MED27: variants seen among roughly 807,000 people sequenced by gnomAD.
The protein encoded by MED27 is mediator complex subunit 27.
Under a neutral mutation model 38.2 loss-of-function variants are expected in MED27, and 30 were observed. The observed-to-expected ratio is 0.79, with a 90% CI of 0.59 to 1.07. The LOEUF (loss-of-function observed/expected upper bound fraction) is 1.07. Among genes scored for constraint, MED27 ranks in the 50% least tolerant of loss-of-function variants. The pLI is 0.00. For missense variants in MED27, 289 were observed against 397.5 expected, an observed-to-expected ratio of 0.73 and a Z score of 2.32; for synonymous variants, 122 against 153.5, an observed-to-expected ratio of 0.79 and a Z score of 1.52.
At chr9:132,015,943 G>A (rs1832592613) in intron 2 of MED27, among the ~76,000 whole-genome samples, 1 of 152,142 alleles carries the variant, frequency 6.6e-6, no homozygotes, top group Admixed American at 6.5e-5. Flanking sequence ...ATTAAGCAAG[G>A]TCTTTCAAAC....
At chr9:132,034,773 G>T (rs1039290979) in intron 2 of MED27, among the ~76,000 whole-genome samples, 1 of 152,146 alleles carries the variant, frequency 6.6e-6, no homozygotes, top group Non-Finnish European at 1.5e-5. Context: ...ATGAGCACAG[G>T]TCAAACAGAA....
chr9:131,901,163 A>G (rs1218755721), intron 4 of MED27, among the ~76,000 whole-genome samples: 1 of 152,080 alleles, frequency 6.6e-6, no homozygotes, highest in Non-Finnish European at 1.5e-5. Context: ...GGCACACCCA[A>G]AGGAGATTTA....
Position 131,861,655 on chromosome 9 carries a change from G to A in MED27, c.802-983C>T, listed in dbSNP as rs1327543764. ...CCTAAGTAGAAGAAGTTCTGTCTCT[G>A]CCACAAATAGTACTCATGTCTGTGC... On this transcript the variant is annotated intron_variant, in intron 7 of 7. Transcript: ENST00000292035. This position sits in a 1 kb window ranked among gnomAD's most constrained non-coding sequence, Gnocchi z 4.4. 6.6e-6 allele frequency among the ~76,000 whole-genome samples: 1 copy of A among 152,132 alleles called. No homozygotes were observed. The highest frequency in any genetic ancestry group is 1.5e-5 in the Non-Finnish European group (1 of 68,036).
intron 3 of MED27, among the ~76,000 whole-genome samples, chr9:131,941,982 C>G (rs551529698): frequency 6.6e-6 from 1 of 151,842 alleles, no homozygotes; most frequent in African/African-American, 2.4e-5. Context: ...CCCGCCACCA[C>G]GCCTGGCTAA....
chr9:132,076,227 T>G (rs1834043980), intron 2 of MED27, among the ~76,000 whole-genome samples: 1 of 151,908 alleles, frequency 6.6e-6, no homozygotes, highest in South Asian at 2.1e-4. Flanking sequence ...AGTAACTCCC[T>G]GAACATTTTA....
At chr9:131,910,894 T>C (rs1423793507) in intron 4 of MED27, among the ~76,000 whole-genome samples, 1 of 152,166 alleles carries the variant, frequency 6.6e-6, no homozygotes, top group African/African-American at 2.4e-5. Context: ...ACCAGCAGAC[T>C]TCCCATCTAT....
intron 3 of MED27, among the ~76,000 whole-genome samples, chr9:131,970,438 G>C (rs1280582676): frequency 1.3e-5 from 2 of 152,216 alleles, no homozygotes; most frequent in African/African-American, 2.4e-5. Flanking sequence ...CTCCACGGAA[G>C]AGCCCTCCAC....
intron 2 of MED27, among the ~76,000 whole-genome samples, chr9:132,057,023 C>A (rs921664932): frequency 3.9e-5 from 6 of 152,222 alleles, no homozygotes; most frequent in Admixed American, 2.6e-4. Context: ...CCCCACAGCA[C>A]CAAGACTCAC....
At chr9:132,037,114 C>G (rs938103229) in intron 2 of MED27, among the ~76,000 whole-genome samples, 6 of 152,178 alleles carry the variant, frequency 3.9e-5, no homozygotes, top group Admixed American at 6.5e-5. Context: ...GAACGCTCAG[C>G]AAAGGATGGC....
chr9:131,935,899 C>T (rs938722694), intron 4 of MED27, among the ~76,000 whole-genome samples: 3 of 151,768 alleles, frequency 2.0e-5, no homozygotes, highest in Non-Finnish European at 2.9e-5. Flanking sequence ...TCTGTAATCC[C>T]AGCACTTTGG....
At chr9:132,014,873 C>T (rs539817873) in intron 2 of MED27, among the ~76,000 whole-genome samples, 2 of 152,104 alleles carry the variant, frequency 1.3e-5, no homozygotes, top group African/African-American at 2.4e-5. Flanking sequence ...TAGTAGAATT[C>T]GAGTGATTTT....
Position 131,872,995 on chromosome 9 carries a change from G to C in MED27, c.724-9855C>G, listed in dbSNP as rs1410781933. Among the ~76,000 whole-genome samples, 1 of 152,258 alleles carries C rather than the reference G, an allele frequency of 6.6e-6. No homozygotes were observed. The highest frequency in any genetic ancestry group is 1.5e-5 in the Non-Finnish European group (1 of 68,048). On this transcript the variant is annotated intron_variant, in intron 6 of 7. Coordinates refer to ENST00000292035, the MANE Select transcript of MED27 (RefSeq NM_004269.4). This position sits in a 1 kb window ranked among gnomAD's most constrained non-coding sequence, Gnocchi z 5.6. The stretch of plus-strand genomic sequence containing the variant: ...AGGCAGCAAAGCCAAACGTGTGCTA[G>C]GCACAGGTGCCCAGGCAGTTCCCAC...
At chr9:131,957,085 G>T (rs369576421) in intron 3 of MED27, among the ~76,000 whole-genome samples, 13 of 152,308 alleles carry the variant, frequency 8.5e-5, no homozygotes, top group African/African-American at 2.9e-4. Context: ...CTGCCGGTAG[G>T]AGTACAAAGT....
intron 4 of MED27, among the ~76,000 whole-genome samples, chr9:131,923,766 T>A (rs1830436515): frequency 6.6e-6 from 1 of 152,192 alleles, no homozygotes; most frequent in African/African-American, 2.4e-5. Flanking sequence ...CATAACCAAT[T>A]TCTCTGCTTC....
At chr9:132,073,223 C>T in intron 2 of MED27, 1 of 654,998 alleles carries the variant, frequency 1.5e-6, no homozygotes, top group Non-Finnish European at 1.9e-6. Flanking sequence ...CTCCAAATTG[C>T]CTCCCATCCA....
intron 3 of MED27, among the ~76,000 whole-genome samples, chr9:132,002,933 A>AAAAAAG: frequency 6.6e-6 from 1 of 151,468 alleles, no homozygotes; most frequent in African/African-American, 2.4e-5. Context: ...AAAAAAGAAA[A>AAAAAAG]AAGAAAAAGA....
intron 4 of MED27, among the ~76,000 whole-genome samples, chr9:131,902,282 G>C (rs557005330): frequency 6.6e-6 from 1 of 152,170 alleles, no homozygotes; most frequent in Non-Finnish European, 1.5e-5. Flanking sequence ...ACAGAGTCGT[G>C]CTGGGCGGAA....
intron 4 of MED27, among the ~76,000 whole-genome samples, chr9:131,929,604 T>C (rs1174552731): frequency 6.6e-6 from 1 of 151,992 alleles, no homozygotes; most frequent in East Asian, 1.9e-4. Context: ...GGACTTTCAG[T>C]GAACATTGGC....
At chr9:131,939,498 G>A (rs752541275) in intron 3 of MED27, 24 bp from the exon 4 acceptor site, 1 of 1,490,418 alleles carries the variant, frequency 6.7e-7, no homozygotes, top group Non-Finnish European at 9.2e-7. Context: ...AAATAAACAT[G>A]TGTGAACTAC....
Sources: allele counts gnomAD v4.1 joint callset (sites outside exome capture counted in the v4.1 genomes callset), GRCh38; gene constraint gnomAD v4.1.1; non-coding constraint Gnocchi (gnomAD v3.1); transcripts MANE v1.5; gene names NCBI Gene and HGNC (gene_info 2026-07-23, HGNC 2026-07-21).